The following AP3D1 variants were observed in gnomAD, a reference collection of about 807,000 sequenced individuals.
The protein encoded by AP3D1 is adaptor related protein complex 3 subunit delta 1, also known as AP-3 complex subunit delta-1.
Under a neutral mutation model 147.6 loss-of-function variants are expected in AP3D1, and 51 were observed. That is an observed-to-expected ratio of 0.35 (90% CI 0.28 to 0.44). AP3D1 has a LOEUF of 0.44. AP3D1 is among the 20% of genes least tolerant of loss of function. AP3D1 has a pLI of 1.00. For synonymous variants in AP3D1, 760 were observed against 663.0 expected, an observed-to-expected ratio of 1.15 and a Z score of -2.25; for missense variants, 1,421 against 1,624.2, an observed-to-expected ratio of 0.87 and a Z score of 2.15.
At chr19:2,159,579 G>A (rs1440109349) in intron 1 of AP3D1, among the ~76,000 whole-genome samples, 1 of 151,886 alleles carries the variant, frequency 6.6e-6, no homozygotes, top group African/African-American at 2.4e-5. Flanking sequence ...TAGTAGAGAC[G>A]GGGTTTCACC....
chr19:2,104,292 A>T (rs1411202898), intron 31 of AP3D1, among the ~76,000 whole-genome samples: 1 of 136,626 alleles, frequency 7.3e-6, no homozygotes, highest in African/African-American at 2.6e-5. Flanking sequence ...CCAGACCCCA[A>T]CGCCAAGACA....
intron 10 of AP3D1, 77 bp downstream of exon 10, chr19:2,123,753 G>A: frequency 6.6e-7 from 1 of 1,513,608 alleles, no homozygotes; most frequent in Non-Finnish European, 8.9e-7. Flanking sequence ...GTCACAGGGT[G>A]GGCAAGCTCC....
chr19:2,123,551 T>C lies in AP3D1; in HGVS notation c.907-145A>G, dbSNP rs1263534642. ...TCAAAGCCCAGGAGGGAAACAAGCA[T>C]GGCCCACATGGGGCACTGGAGACAA... On this transcript the variant is annotated intron_variant, in intron 10 of 31. Transcript: ENST00000643116. The C allele has an allele frequency of 6.8e-6, 6 of 879,228 alleles. No homozygotes were observed. The African/African-American group carries it at 1.0e-4, about 15-fold the overall frequency. 54.5% of individuals were successfully genotyped at this position (879,228 alleles called of 1,614,324 possible). A position where few individuals can be genotyped will look rare whatever the true frequency, so the allele number is the denominator to read the frequency against.
intron 1 of AP3D1, among the ~76,000 whole-genome samples, chr19:2,143,008 C>T (rs1382062033): frequency 1.3e-5 from 2 of 152,014 alleles, no homozygotes; most frequent in Admixed American, 1.3e-4. Context: ...AGGTGATCTG[C>T]CCACCTCGGC....
At chr19:2,108,437 A>G (rs1400535193) in intron 31 of AP3D1, among the ~76,000 whole-genome samples, 2 of 152,012 alleles carry the variant, frequency 1.3e-5, no homozygotes, top group Non-Finnish European at 2.9e-5. Flanking sequence ...GTGCAGTGGG[A>G]GTGGGGCCCC....
At chr19:2,136,632 C>T in intron 4 of AP3D1, among the ~76,000 whole-genome samples, 1 of 152,318 alleles carries the variant, frequency 6.6e-6, no homozygotes, top group Admixed American at 6.5e-5. Flanking sequence ...GGAAGCACCC[C>T]ACATGGGCAG....
intron 6 of AP3D1, among the ~76,000 whole-genome samples, chr19:2,129,957 G>C (rs776032430): frequency 6.6e-6 from 1 of 152,188 alleles, no homozygotes; most frequent in African/African-American, 2.4e-5. Flanking sequence ...CCTGCCACAC[G>C]CCAGAGGCTT....
intron 1 of AP3D1, among the ~76,000 whole-genome samples, chr19:2,147,510 T>C (rs1460164935): frequency 7.0e-6 from 1 of 143,850 alleles, no homozygotes; most frequent in African/African-American, 2.6e-5. Flanking sequence ...GAGCCAAGAT[T>C]GTGCCACTGC....
chr19:2,159,190 A>G (rs1163108710), intron 1 of AP3D1, among the ~76,000 whole-genome samples: 1 of 147,290 alleles, frequency 6.8e-6, no homozygotes, highest in Non-Finnish European at 1.5e-5. Context: ...GGGTTTCACC[A>G]TGTTGGCCAC....
intron 1 of AP3D1, among the ~76,000 whole-genome samples, chr19:2,147,802 T>C (rs1207053178): frequency 6.6e-6 from 1 of 151,216 alleles, no homozygotes; most frequent in Non-Finnish European, 1.5e-5. Context: ...GTTGAGTCAC[T>C]TGAACCTGGG....
intron 6 of AP3D1, among the ~76,000 whole-genome samples, chr19:2,129,752 T>G (rs538282637): frequency 9.7e-4 from 148 of 152,174 alleles, no homozygotes; most frequent in Non-Finnish European, 1.8e-3. Context: ...GCCCTCTGAG[T>G]GGGGGTTTCA....
At chr19:2,117,165 G>C (rs2018479416) in intron 16 of AP3D1, 57 bp downstream of exon 16, 1 of 1,522,602 alleles carries the variant, frequency 6.6e-7, no homozygotes, top group South Asian at 1.3e-5. Context: ...GTGCCACCAG[G>C]CATCAAGGGA....
intron 9 of AP3D1, among the ~76,000 whole-genome samples, chr19:2,126,662 AAAAAAAAAAG>A (rs2018765361): frequency 2.0e-5 from 3 of 151,864 alleles, no homozygotes; most frequent in African/African-American, 7.2e-5. Context: ...CAAAAAAAAA[AAAAAAAAAAG>A]AAAGAAAAAG....
chr19:2,154,302 G>C (rs1409066698), upstream of AP3D1, among the ~76,000 whole-genome samples: 1 of 137,754 alleles, frequency 7.3e-6, no homozygotes, highest in Non-Finnish European at 1.5e-5. Flanking sequence ...TTTTTTTTGA[G>C]ACAGTCTCAT....
intron 9 of AP3D1, among the ~76,000 whole-genome samples, chr19:2,125,967 T>C (rs975989961): frequency 6.6e-6 from 1 of 152,024 alleles, no homozygotes; most frequent in Non-Finnish European, 1.5e-5. Flanking sequence ...GGCAACATAG[T>C]GAGACCTTGT....
At chr19:2,146,658 T>A (rs1479310277) in intron 1 of AP3D1, among the ~76,000 whole-genome samples, 1 of 151,128 alleles carries the variant, frequency 6.6e-6, no homozygotes, top group Non-Finnish European at 1.5e-5. Context: ...CTGCATATTT[T>A]GCAATCAAAG....
rs749358850 is a variant in AP3D1, at chr19:2,118,850, T to C, written c.1482-18A>G. On this transcript the variant is annotated intron_variant, in intron 14 of 31. Transcript: ENST00000643116. ...GCAGATGCCTGAGGACAGGAAACAC[T>C]GTGAGCCCCCAGGATGCCAATCCCG... The C allele has an allele frequency of 2.5e-6, 4 of 1,605,476 alleles. No homozygotes were observed. Among genetic ancestry groups the C allele is most frequent in the African/African-American group, 1.3e-5 (1 of 74,942 alleles).
intron 31 of AP3D1, among the ~76,000 whole-genome samples, chr19:2,103,432 GC>G (rs1318758075): frequency 6.6e-6 from 1 of 152,156 alleles, no homozygotes; most frequent in Non-Finnish European, 1.5e-5. Flanking sequence ...CTGCCACTGG[GC>G]CCCTGAAGTG....
At chr19:2,116,551 C>T in intron 17 of AP3D1, 54 bp downstream of exon 17, 1 of 1,505,484 alleles carries the variant, frequency 6.6e-7, no homozygotes, top group South Asian at 1.3e-5. Flanking sequence ...CTCAAAGACT[C>T]CCTGGGACAG....
Sources: allele counts gnomAD v4.1 joint callset (sites outside exome capture counted in the v4.1 genomes callset), GRCh38; gene constraint gnomAD v4.1.1; transcripts MANE v1.5; gene names NCBI Gene and HGNC (gene_info 2026-07-23, HGNC 2026-07-21).